Variants in WDR48 observed in about 807,000 individuals in gnomAD.
WDR48 encodes the protein WD repeat domain 48.
In WDR48, 22 loss-of-function variants were observed where a neutral mutation model predicts 94.0. The ratio of observed to expected loss-of-function variants is 0.23; its 90% CI spans 0.17 to 0.33. The LOEUF (loss-of-function observed/expected upper bound fraction) is 0.33, where lower values mean the gene tolerates loss of function less well. Ranked by LOEUF, WDR48 falls within the 10% of genes least tolerant of loss-of-function variation. WDR48 has a pLI of 1.00. For synonymous variants in WDR48, 278 were observed against 280.5 expected (o/e 0.99, Z 0.09); for missense variants, 541 against 813.8 (o/e 0.66, Z 4.08).
intron 14 of WDR48, 59 bp downstream of exon 14, chr3:39,085,669 C>A: frequency 7.0e-7 from 1 of 1,434,108 alleles, no homozygotes; most frequent in Non-Finnish European, 9.7e-7. Flanking sequence ...TTAAAAGGTA[C>A]TTACTAAAAG....
intron 18 of WDR48, chr3:39,094,379 T>G: frequency 6.8e-7 from 1 of 1,468,428 alleles, no homozygotes; most frequent in African/African-American, 1.4e-5. Flanking sequence ...ATGGCAGAAC[T>G]GTTTTTTAAA....
At chr3:39,066,952 G>T (rs2125648210) in intron 5 of WDR48, 77 bp downstream of exon 5, 4 of 1,527,198 alleles carry the variant, frequency 2.6e-6, no homozygotes, top group Non-Finnish European at 3.6e-6. Context: ...AAACATTTTT[G>T]ATAGGTTTGC....
At chr3:39,081,730 C>T (rs1383752196) in intron 11 of WDR48, among the ~76,000 whole-genome samples, 1 of 152,198 alleles carries the variant, frequency 6.6e-6, no homozygotes, top group Non-Finnish European at 1.5e-5. Flanking sequence ...AGGCCAGCTC[C>T]TCTTTGAGAG....
At chr3:39,094,352 T>G in intron 18 of WDR48, 2 of 1,437,990 alleles carry the variant, frequency 1.4e-6, no homozygotes, top group Non-Finnish European at 1.8e-6. Context: ...TGATTTAGAG[T>G]GAAGGTGTGC....
At chr3:39,081,228 A>C (rs921069711) in intron 11 of WDR48, among the ~76,000 whole-genome samples, 1 of 152,246 alleles carries the variant, frequency 6.6e-6, no homozygotes, top group East Asian at 1.9e-4. Context: ...TATTTTGGTT[A>C]AGCTCCTGGT....
chr3:39,089,291 A>G lies in WDR48; in HGVS notation c.1641A>G (p.Pro547=), dbSNP rs2034966453. Residue 547 remains proline, a synonymous_variant, in exon 16 of 19, where the codon CCA becomes CCG. Transcript: ENST00000302313. ...CTATGCTTCTTAATGAAACAGTGCCACAATGGGTAATTGACATCACTGTGG... is the reference window on the plus strand; with the variant it reads ...CTATGCTTCTTAATGAAACAGTGCCGCAATGGGTAATTGACATCACTGTGG... ...TESMLLNETV[P]QWVIDITVDK... 3 of 1,613,492 alleles carry G rather than the reference A, an allele frequency of 1.9e-6. No homozygotes were observed. Among genetic ancestry groups the G allele is most frequent in the Non-Finnish European group, 2.5e-6 (3 of 1,179,732 alleles).
intron 2 of WDR48, among the ~76,000 whole-genome samples, chr3:39,065,544 AC>A (rs1289044073): frequency 6.8e-6 from 1 of 147,812 alleles, no homozygotes; most frequent in Non-Finnish European, 1.5e-5. Flanking sequence ...TGTTGCCTTC[AC>A]TTTAACAAGG....
chr3:39,085,437 A>C, intron 13 of WDR48, 78 bp from the exon 14 acceptor site: 1 of 1,149,088 alleles, frequency 8.7e-7, no homozygotes, highest in East Asian at 2.4e-5. Context: ...ACAAACTTAC[A>C]ATTTTTATTC....
chr3:39,075,190 CTT>C (rs11353487), intron 8 of WDR48, among the ~76,000 whole-genome samples: 20,728 of 110,418 alleles, frequency 0.19, 1,858 homozygotes, highest in African/African-American at 0.25. Flanking sequence ...TTGTGTTTTG[CTT>C]TTTTTTTTTT....
At chr3:39,094,522 G>A (rs1174200054) in intron 18 of WDR48, 126 bp from the exon 19 acceptor site, 41 of 1,541,430 alleles carry the variant, frequency 2.7e-5, no homozygotes, top group Non-Finnish European at 3.4e-5. Context: ...GTGACAGCAA[G>A]AATTGGATAC....
chr3:39,085,016 AG>A (rs2034737290), intron 13 of WDR48, among the ~76,000 whole-genome samples: 1 of 152,184 alleles, frequency 6.6e-6, no homozygotes, highest in Admixed American at 6.5e-5. Context: ...TCACGAGGTC[AG>A]GGGATCGAGA....
intron 16 of WDR48, chr3:39,089,837 C>A (rs1253467439): frequency 6.6e-6 from 1 of 152,074 alleles, no homozygotes; most frequent in Non-Finnish European, 1.5e-5. Context: ...GTGAATCATT[C>A]CTTTTTAATG....
chr3:39,078,186 A>G lies in WDR48; in HGVS notation c.1022A>G (p.Asp341Gly), dbSNP rs2034328105. The change falls in exon 10 of 19, where the codon GAC (aspartate) becomes GGC (glycine). Residue 341 changes from aspartate to glycine, a missense_variant. Around this residue, in one of 5 missense-constraint regions of WDR48, gnomAD observed 238 missense variants for 285.3 expected, o/e 0.83. Transcript: ENST00000302313. ...NFRASGDYDN[D>G]CTNPITPLCT... ...AGAGCCTCTGGAGATTATGACAATG[A>G]CTGTACAAATCCTATAACACCTCTT... 3 of 1,612,516 alleles carry G rather than the reference A, an allele frequency of 1.9e-6. No individual in the cohort carries two copies. The highest frequency in any genetic ancestry group is 3.4e-5 in the Admixed American group (2 of 59,532).
At chr3:39,071,635 G>A (rs1375466818) in intron 7 of WDR48, among the ~76,000 whole-genome samples, 2 of 152,248 alleles carry the variant, frequency 1.3e-5, no homozygotes, top group Non-Finnish European at 2.9e-5. Flanking sequence ...GTCATTGTAA[G>A]CAGAGGAAAT....
chr3:39,088,330 T>C, intron 15 of WDR48, 97 bp downstream of exon 15: 2 of 1,192,890 alleles, frequency 1.7e-6, no homozygotes, highest in Non-Finnish European at 2.4e-6. Flanking sequence ...AGAAATAGTT[T>C]ATTATTAAAT....
At position 39,089,306 on chromosome 3, in the gene WDR48, C is replaced by T. The variant is rs745550623; in HGVS notation, c.1656C>T (p.Asp552=). 43 of 1,612,574 alleles carry T rather than the reference C, an allele frequency of 2.7e-5. 1 individual carries two copies. In the South Asian group the frequency reaches 4.5e-4, roughly 17 times the overall value. ...AAACAGTGCCACAATGGGTAATTGA[C>T]ATCACTGTGGATGTAAGTATCCTCC... is the stretch of plus-strand genomic sequence containing the variant. The part of the protein sequence containing the change: ...LNETVPQWVI[D]ITVDKNMPKF... The change falls in exon 16 of 19, where the codon GAC becomes GAT. Residue 552 remains aspartate, a synonymous_variant. Transcript: ENST00000302313.
intron 13 of WDR48, among the ~76,000 whole-genome samples, chr3:39,085,180 T>C (rs1414664171): frequency 2.0e-5 from 3 of 151,986 alleles, no homozygotes; most frequent in Non-Finnish European, 2.9e-5. Context: ...TGAGCCGAGA[T>C]TGCACCACTG....
rs540916738 is a variant in WDR48, at chr3:39,095,311, G to C, written c.*568G>C. On this transcript the variant is annotated 3_prime_UTR_variant, in exon 19 of 19. Coordinates refer to ENST00000302313, the MANE Select transcript of WDR48 (RefSeq NM_020839.4). ...GCCCATTTCATAATAAAAGATTAAT[G>C]TTGGGCTTGTTGTTAATATTGCATC... 1 of 154,036 alleles carries C rather than the reference G, an allele frequency of 6.5e-6. No individual in the cohort carries two copies. The highest frequency in any genetic ancestry group is 2.4e-5 in the African/African-American group (1 of 41,464). The allele number at this position is 154,036 out of a possible 1,614,324, so 9.5% of individuals were successfully genotyped here.
Position 39,084,279 on chromosome 3 carries a change from T to TA in WDR48, c.1281+18dup. The TA allele has an allele frequency of 5.3e-6, 8 of 1,522,534 alleles. No homozygotes were observed. Among genetic ancestry groups the TA allele is most frequent in the African/African-American group, 1.4e-5 (1 of 73,270 alleles). 94.3% of individuals were successfully genotyped at this position (1,522,534 alleles called of 1,614,324 possible). On this transcript the variant is annotated intron_variant, in intron 12 of 18. Coordinates refer to ENST00000302313, the MANE Select transcript of WDR48 (RefSeq NM_020839.4). ...AAAACAGGGGTAAGTTAGCAATTGATACTTGTATGATTTGGGATAATTGAA... is the reference window on the plus strand; with the variant it reads ...AAAACAGGGGTAAGTTAGCAATTGATAACTTGTATGATTTGGGATAATTGAA...
Sources: allele counts gnomAD v4.1 joint callset (sites outside exome capture counted in the v4.1 genomes callset), GRCh38; gene constraint gnomAD v4.1.1; regional missense constraint gnomAD v4.1.1; transcripts MANE v1.5; gene names NCBI Gene and HGNC (gene_info 2026-07-23, HGNC 2026-07-21).